Variants in SLC30A6 observed in about 807,000 individuals in gnomAD.
SLC30A6 encodes zinc transporter 6.
SLC30A6 carries 55 observed loss-of-function variants against 63.0 expected under a neutral mutation model. That is an observed-to-expected ratio of 0.87 (90% CI 0.70 to 1.09). The LOEUF is 1.09. Ranked by LOEUF, SLC30A6 falls within the 50% of genes least tolerant of loss-of-function variation. The probability of loss-of-function intolerance (pLI) is 0.00; values close to 1 mark genes in which losing one functional copy is unlikely to be tolerated. For missense variants in SLC30A6, 587 were observed against 549.2 expected (o/e 1.07, Z -0.69); for synonymous variants, 224 against 186.1 (o/e 1.20, Z -1.66).
chr2:32,167,289 G>C (rs1286394898), intron 1 of SLC30A6, among the ~76,000 whole-genome samples: 1 of 151,704 alleles, frequency 6.6e-6, no homozygotes. Context: ...TGGTCAGGCT[G>C]ATCGCGAACT....
At chr2:32,173,787 C>T (rs1681453048) in intron 2 of SLC30A6, among the ~76,000 whole-genome samples, 1 of 152,168 alleles carries the variant, frequency 6.6e-6, no homozygotes, top group South Asian at 2.1e-4. Flanking sequence ...AAACGATATG[C>T]ATATGTATGT....
In SLC30A6 at chr2:32,220,240, C is replaced by A; in HGVS notation, c.913C>A (p.Arg305=). The A allele has an allele frequency of 1.2e-6, 2 of 1,613,892 alleles. No individual in the cohort carries two copies. The highest frequency in any genetic ancestry group is 8.5e-7 in the Non-Finnish European group (1 of 1,179,798). ...LAGSVHVRIR[R]DANEQMVLAH... The stretch of plus-strand genomic sequence containing the variant: ...TGGATCAGTGCATGTAAGAATTCGA[C>A]GAGATGCCAATGAACAAATGGTTCT... The change falls in exon 14 of 14, where the codon CGA becomes AGA. Residue 305 remains arginine, a synonymous_variant. Coordinates refer to ENST00000282587, the MANE Select transcript of SLC30A6 (RefSeq NM_017964.5).
At chr2:32,206,194 C>T (rs1198329104) in intron 11 of SLC30A6, among the ~76,000 whole-genome samples, 1 of 151,432 alleles carries the variant, frequency 6.6e-6, no homozygotes, top group Non-Finnish European at 1.5e-5. Flanking sequence ...TGCCTGTAAT[C>T]CCAGCACTTT....
rs1246637667 is a variant in SLC30A6 at position 32,220,807 on chromosome 2, C to G, written c.*94C>G. ...TGCATTGACTGTTTAATCATTTACT[C>G]TAAATGTTAGATAATAGTAGTCTTG... On this transcript the variant is annotated 3_prime_UTR_variant, in exon 14 of 14. Coordinates refer to ENST00000282587, the MANE Select transcript of SLC30A6 (RefSeq NM_017964.5). 11 of 1,124,628 alleles carry G rather than the reference C, an allele frequency of 9.8e-6. No individual in the cohort carries two copies. The Admixed American group carries it at 1.8e-4, about 18-fold the overall frequency. The allele number at this position is 1,124,628 out of a possible 1,614,324, so 69.7% of individuals were successfully genotyped here. A position where few individuals can be genotyped will look rare whatever the true frequency, so the allele number is the denominator to read the frequency against.
intron 10 of SLC30A6, among the ~76,000 whole-genome samples, chr2:32,200,861 A>G (rs1027385679): frequency 2.6e-5 from 4 of 151,914 alleles, no homozygotes; most frequent in African/African-American, 9.7e-5. Flanking sequence ...TAATAATAAA[A>G]CCCTCCCCTT....
chr2:32,168,905 T>G (rs2148790942), intron 1 of SLC30A6, among the ~76,000 whole-genome samples: 1 of 152,118 alleles, frequency 6.6e-6, no homozygotes, highest in East Asian at 1.9e-4. Flanking sequence ...TTGGGAAGAG[T>G]GATATGACAT....
At position 32,223,309 on chromosome 2, in the gene SLC30A6, C is replaced by G. The variant is rs969877715; in HGVS notation, c.*2596C>G. ...CCATTGTTTGTGATTAGGATGTAAG[C>G]TTTGTGGAATGTAATTAACCCTGCT... On this transcript the variant is annotated 3_prime_UTR_variant, in exon 14 of 14. Transcript: ENST00000282587. The G allele has an allele frequency of 3.3e-5, 5 of 152,176 alleles. No individual in the cohort carries two copies. The highest frequency in any genetic ancestry group is 6.5e-5 in the Admixed American group (1 of 15,272). The allele number at this position is 152,176 out of a possible 1,614,324, so 9.4% of individuals were successfully genotyped here.
At chr2:32,176,238 A>G (rs1681726814) in intron 4 of SLC30A6, among the ~76,000 whole-genome samples, 1 of 151,794 alleles carries the variant, frequency 6.6e-6, no homozygotes, top group African/African-American at 2.4e-5. Context: ...ACTAACAGTA[A>G]GAGAAATGCA....
At chr2:32,216,140 T>G (rs1350160114) in intron 13 of SLC30A6, among the ~76,000 whole-genome samples, 1 of 152,218 alleles carries the variant, frequency 6.6e-6, no homozygotes, top group Non-Finnish European at 1.5e-5. Context: ...TTCAAACTGC[T>G]TTTTAGAGTG....
Position 32,184,338 on chromosome 2 carries a change from G to T in SLC30A6, c.284G>T (p.Gly95Val). ...LRKPSPVYSF[G>V]FERLEVLAVF... ...AAACCTAGCCCTGTCTATTCATTTG[G>T]GTAAGTTCAAATTATTTTATTTTCT... Residue 95 changes from glycine to valine, a missense_variant and splice_region_variant, in exon 5 of 14, where the codon GGG (glycine) becomes GTG (valine). Transcript: ENST00000282587. 1 of 1,478,214 alleles carries T rather than the reference G, an allele frequency of 6.8e-7. No homozygotes were observed. Among genetic ancestry groups the T allele is most frequent in the Non-Finnish European group, 9.1e-7 (1 of 1,100,444 alleles). The allele number at this position is 1,478,214 out of a possible 1,614,324, so 91.6% of individuals were successfully genotyped here. A position where few individuals can be genotyped will look rare whatever the true frequency, so the allele number is the denominator to read the frequency against.
Position 32,195,283 on chromosome 2 carries a change from G to T in SLC30A6, c.496+1300G>T, listed in dbSNP as rs369024249. Among the ~76,000 whole-genome samples the T allele has an allele frequency of 6.6e-5, 10 of 152,112 alleles. No homozygotes were observed. The South Asian group carries it at 2.1e-3, about 32-fold the overall frequency. The stretch of plus-strand genomic sequence containing the variant: ...GGGTTTCCCCATGTTGGCCAGGCTG[G>T]TCTCACTCCTGACCTCAGGTGATCT... On this transcript the variant is annotated intron_variant, in intron 8 of 13. Coordinates refer to ENST00000282587, the MANE Select transcript of SLC30A6 (RefSeq NM_017964.5).
In SLC30A6 at chr2:32,193,950, A is replaced by C. The variant is rs1363957974; in HGVS notation, c.463A>C (p.Ile155Leu). The C allele has an allele frequency of 1.2e-6, 2 of 1,613,528 alleles. No homozygotes were observed. Among genetic ancestry groups the C allele is most frequent in the Non-Finnish European group, 1.7e-6 (2 of 1,179,740 alleles). The stretch of plus-strand genomic sequence containing the variant: ...TTTCAACCTGTTCACGATGCTTTCT[A>C]TTCGGAATAAACCTTTTGCTTATGT... The part of the protein sequence containing the change: ...LCFNLFTMLS[I>L]RNKPFAYVSE... The change falls in exon 8 of 14, where the codon ATT becomes CTT. Residue 155 changes from isoleucine (I) to leucine (L), a missense_variant. Transcript: ENST00000282587.
chr2:32,189,310 G>A (rs1340031402), intron 5 of SLC30A6, among the ~76,000 whole-genome samples: 1 of 89,716 alleles, frequency 1.1e-5, no homozygotes, highest in Non-Finnish European at 2.2e-5. Context: ...TCTTTTTTTT[G>A]AGGCAGCATC....
chr2:32,203,843 G>T, intron 10 of SLC30A6: 1 of 1,361,174 alleles, frequency 7.3e-7, no homozygotes, highest in Non-Finnish European at 1.1e-6. Flanking sequence ...AGGAGTGGTT[G>T]GTCAAGTGGC....
chr2:32,173,882 C>G (rs1329719213), intron 2 of SLC30A6, among the ~76,000 whole-genome samples, 181 bp from the exon 3 acceptor site: 1 of 152,166 alleles, frequency 6.6e-6, no homozygotes, highest in Non-Finnish European at 1.5e-5. Flanking sequence ...TTCTTTTAAA[C>G]TTGTATACTG....
chr2:32,171,121 A>G (rs1681162830), intron 1 of SLC30A6, among the ~76,000 whole-genome samples, 166 bp from the exon 2 acceptor site: 1 of 152,230 alleles, frequency 6.6e-6, no homozygotes, highest in African/African-American at 2.4e-5. Context: ...TATTGTGAAT[A>G]TTAAATCCAT....
chr2:32,179,963 TTAAA>T (rs1682138892), intron 4 of SLC30A6, among the ~76,000 whole-genome samples: 1 of 152,144 alleles, frequency 6.6e-6, no homozygotes, highest in South Asian at 2.1e-4. Flanking sequence ...AAAAAGCAGT[TTAAA>T]TATGTTACCG....
At chr2:32,173,405 G>A (rs569772277) in intron 2 of SLC30A6, among the ~76,000 whole-genome samples, 17 of 147,978 alleles carry the variant, frequency 1.1e-4, no homozygotes, top group African/African-American at 4.3e-4. Flanking sequence ...ACAGAGTCTC[G>A]CTCTGTCGCC....
chr2:32,192,507 A>G lies in SLC30A6; in HGVS notation c.365+91A>G, dbSNP rs925907060. On this transcript the variant is annotated intron_variant, in intron 6 of 13. Transcript: ENST00000282587. ...GTCAGACACATTTGCTTTCAAGGGT[A>G]TGAAAACTTAGATGAGCAGGGCTGG... 7 of 1,114,548 alleles carry G rather than the reference A, an allele frequency of 6.3e-6. No individual in the cohort carries two copies. The African/African-American group carries it at 1.1e-4, about 17-fold the overall frequency. The allele number at this position is 1,114,548 out of a possible 1,614,324, so 69.0% of individuals were successfully genotyped here.
Sources: allele counts gnomAD v4.1 joint callset (sites outside exome capture counted in the v4.1 genomes callset), GRCh38; gene constraint gnomAD v4.1.1; transcripts MANE v1.5; gene names NCBI Gene and HGNC (gene_info 2026-07-23, HGNC 2026-07-21).